Variants in SGMS1 observed in about 807,000 individuals in gnomAD.
SGMS1 encodes the protein phosphatidylcholine:ceramide cholinephosphotransferase 1.
A neutral mutation model predicts 46.2 loss-of-function variants in SGMS1; 13 were observed. The ratio of observed to expected loss-of-function variants is 0.28; its 90% CI spans 0.18 to 0.45. The LOEUF (loss-of-function observed/expected upper bound fraction) is 0.45, where lower values mean the gene tolerates loss of function less well. SGMS1 is among the 20% of genes least tolerant of loss of function. The probability of loss-of-function intolerance (pLI) is 1.00; values close to 1 mark genes in which losing one functional copy is unlikely to be tolerated. For synonymous variants in SGMS1, 203 were observed against 187.8 expected, an observed-to-expected ratio of 1.08 and a Z score of -0.66; for missense variants, 324 against 519.9, an observed-to-expected ratio of 0.62 and a Z score of 3.66.
rs568803916 is a variant in SGMS1, at chr10:50,460,703, C to T, written c.-343G>A. On this transcript the variant is annotated 5_prime_UTR_variant, in exon 5 of 11. Transcript: ENST00000361781. Reference sequence around the variant, plus strand: ...ACAGCCACTGTTTTGCATTTATCAACAGGTTCCTTTAAAAGTATTCTCAGG... The same window carrying T: ...ACAGCCACTGTTTTGCATTTATCAATAGGTTCCTTTAAAAGTATTCTCAGG... 5 of 152,330 alleles carry T rather than the reference C, an allele frequency of 3.3e-5. No homozygotes were observed. Among genetic ancestry groups the T allele is most frequent in the African/African-American group, 1.2e-4 (5 of 41,454 alleles). The allele number at this position is 152,330 out of a possible 1,614,324, so 9.4% of individuals were successfully genotyped here.
At chr10:50,385,105 T>G (rs904061292) in intron 6 of SGMS1, among the ~76,000 whole-genome samples, 19 of 152,220 alleles carry the variant, frequency 1.2e-4, no homozygotes, top group African/African-American at 4.6e-4. Flanking sequence ...GTTTCTCTGA[T>G]GTTTTCTCTT....
At chr10:50,330,967 C>T (rs1847615354) in intron 7 of SGMS1, among the ~76,000 whole-genome samples, 2 of 152,012 alleles carry the variant, frequency 1.3e-5, no homozygotes, top group South Asian at 4.2e-4. Flanking sequence ...AATTAGCTTC[C>T]TCAACAGCAA....
chr10:50,560,170 C>G (rs1838221738), intron 2 of SGMS1, among the ~76,000 whole-genome samples: 1 of 144,232 alleles, frequency 6.9e-6, no homozygotes, highest in Admixed American at 7.0e-5. Context: ...ATATATTATA[C>G]ATTACATATA....
chr10:50,561,224 C>T lies in SGMS1; in HGVS notation c.-589+28929G>A, dbSNP rs564601155. ...TGCTAAATGGCATGTGAATGTTTAC[C>T]GTGTTTTGGGCACCAGTCCCAGCAT... On this transcript the variant is annotated intron_variant, in intron 2 of 10. Transcript: ENST00000361781. Among the ~76,000 whole-genome samples the T allele has an allele frequency of 2.6e-5, 4 of 152,238 alleles. No individual in the cohort carries two copies. In the South Asian group the frequency reaches 6.2e-4, roughly 24 times the overall value.
intron 7 of SGMS1, chr10:50,341,371 TAGA>T (rs1318397742): frequency 4.4e-6 from 2 of 455,888 alleles, no homozygotes; most frequent in African/African-American, 4.0e-5. Context: ...TGGACCCCAG[TAGA>T]AGGACAGGGT....
chr10:50,407,791 C>A (rs1849038134), intron 6 of SGMS1, among the ~76,000 whole-genome samples: 1 of 152,078 alleles, frequency 6.6e-6, no homozygotes, highest in African/African-American at 2.4e-5. Context: ...AAATAATATA[C>A]CTTTGTTTGG....
At chr10:50,620,643 T>C (rs1479437046) in intron 1 of SGMS1, among the ~76,000 whole-genome samples, 1 of 152,136 alleles carries the variant, frequency 6.6e-6, no homozygotes, top group South Asian at 2.1e-4. Context: ...ACCTAAACAA[T>C]TGGAGGAAGG....
intron 7 of SGMS1, chr10:50,335,780 T>G (rs1374240464): frequency 6.6e-6 from 1 of 152,258 alleles, no homozygotes; most frequent in African/African-American, 2.4e-5. Context: ...TACTCATTTA[T>G]GAGCACATGC....
At chr10:50,416,693 G>A (rs919541469) in intron 6 of SGMS1, among the ~76,000 whole-genome samples, 1 of 152,130 alleles carries the variant, frequency 6.6e-6, no homozygotes, top group Admixed American at 6.5e-5. Context: ...AGTTCAACTC[G>A]GAGCAAAAGG....
chr10:50,617,809 G>A (rs893380038), intron 1 of SGMS1, among the ~76,000 whole-genome samples: 1 of 151,658 alleles, frequency 6.6e-6, no homozygotes, highest in African/African-American at 2.4e-5. Context: ...CTGGGCTCAA[G>A]CAATCCACCT....
chr10:50,379,338 A>C (rs1253739005), intron 6 of SGMS1, among the ~76,000 whole-genome samples: 1 of 152,198 alleles, frequency 6.6e-6, no homozygotes, highest in Non-Finnish European at 1.5e-5. Context: ...GTCATTTCAA[A>C]GAATGTGGTA....
chr10:50,589,914 T>C (rs11006224), intron 2 of SGMS1, among the ~76,000 whole-genome samples: 7,420 of 152,320 alleles, frequency 0.049, 515 homozygotes, highest in African/African-American at 0.16. Context: ...AAGAATATCC[T>C]TATTTGTAAG....
At chr10:50,315,421 A>G (rs1207034076) in intron 8 of SGMS1, among the ~76,000 whole-genome samples, 2 of 152,198 alleles carry the variant, frequency 1.3e-5, no homozygotes, top group East Asian at 3.9e-4. Flanking sequence ...CCAGAGTGCA[A>G]TTCTGGGATG....
chr10:50,595,870 A>G (rs901550022), intron 1 of SGMS1, among the ~76,000 whole-genome samples: 1 of 152,240 alleles, frequency 6.6e-6, no homozygotes, highest in Admixed American at 6.5e-5. Context: ...GGACTCAGTC[A>G]GAAGACGACT....
chr10:50,466,323 A>AAGGAAGGAAGGAAAGGAGGG (rs1421705376), intron 4 of SGMS1, among the ~76,000 whole-genome samples: 10 of 152,106 alleles, frequency 6.6e-5, no homozygotes, highest in African/African-American at 2.2e-4. Flanking sequence ...GAAAGGAAAG[A>AAGGAAGGAAGGAAAGGAGGG]AGGAAGGAAG....
intron 6 of SGMS1, among the ~76,000 whole-genome samples, chr10:50,396,802 C>T (rs889193516): frequency 1.3e-5 from 2 of 152,132 alleles, no homozygotes; most frequent in African/African-American, 4.8e-5. Flanking sequence ...CATCTTCCTT[C>T]CCCCAATTTC....
intron 8 of SGMS1, among the ~76,000 whole-genome samples, chr10:50,322,636 T>C (rs1166669165): frequency 6.6e-6 from 1 of 151,428 alleles, no homozygotes; most frequent in Non-Finnish European, 1.5e-5. Flanking sequence ...ATCGAGACCA[T>C]CCTGGCTAAC....
intron 7 of SGMS1, among the ~76,000 whole-genome samples, chr10:50,341,743 A>G (rs1056185951): frequency 8.5e-5 from 13 of 152,110 alleles, no homozygotes; most frequent in South Asian, 2.1e-4. Context: ...GCTTTGAGCA[A>G]TTTAAATATA....
intron 2 of SGMS1, among the ~76,000 whole-genome samples, chr10:50,578,681 G>A (rs575471159): frequency 2.0e-5 from 3 of 152,210 alleles, no homozygotes; most frequent in Non-Finnish European, 2.9e-5. Flanking sequence ...TACCAATGCT[G>A]CAAATTCTGA....
Sources: allele counts gnomAD v4.1 joint callset (sites outside exome capture counted in the v4.1 genomes callset), GRCh38; gene constraint gnomAD v4.1.1; transcripts MANE v1.5; gene names NCBI Gene and HGNC (gene_info 2026-07-23, HGNC 2026-07-21).